The following SGCZ variants were observed in gnomAD, a reference collection of about 807,000 sequenced individuals.
The protein encoded by SGCZ is sarcoglycan zeta.
Under a neutral mutation model 41.3 loss-of-function variants are expected in SGCZ, and 40 were observed. The ratio of observed to expected loss-of-function variants is 0.97; its 90% CI spans 0.75 to 1.26. The LOEUF is 1.26. Among genes scored for constraint, SGCZ ranks in the 50% most tolerant of loss-of-function variants. The probability of loss-of-function intolerance (pLI) is 0.00; values close to 1 mark genes in which losing one functional copy is unlikely to be tolerated. For synonymous variants in SGCZ, 206 were observed against 137.5 expected, an observed-to-expected ratio of 1.50 and a Z score of -3.49; for missense variants, 552 against 369.8, an observed-to-expected ratio of 1.49 and a Z score of -4.04.
chr8:14,862,824 C>G lies in SGCZ; in HGVS notation c.40-307898G>C, dbSNP rs142869987. On this transcript the variant is annotated intron_variant, in intron 1 of 7. Transcript: ENST00000382080. ...CTGCTTTCCCCTCTAGACACAGTCA[C>G]TAGTCACTATAGCTGGGGACAGCAA... Among the ~76,000 whole-genome samples the G allele has an allele frequency of 5.3e-5, 8 of 151,886 alleles. No individual in the cohort carries two copies. The East Asian group carries it at 5.8e-4, about 11-fold the overall frequency.
At chr8:14,179,918 G>A (rs1029400640) in intron 4 of SGCZ, among the ~76,000 whole-genome samples, 1 of 152,164 alleles carries the variant, frequency 6.6e-6, no homozygotes, top group African/African-American at 2.4e-5. Flanking sequence ...AGAGCAAGAG[G>A]TATTTGATGA....
At chr8:14,802,572 G>C (rs1235259780) in intron 1 of SGCZ, among the ~76,000 whole-genome samples, 5 of 152,082 alleles carry the variant, frequency 3.3e-5, no homozygotes, top group Admixed American at 2.0e-4. Flanking sequence ...TTATGAATAA[G>C]ATGGTCTGCA....
intron 2 of SGCZ, among the ~76,000 whole-genome samples, chr8:14,431,296 A>G (rs1182802096): frequency 6.6e-6 from 1 of 152,214 alleles, no homozygotes; most frequent in East Asian, 1.9e-4. Context: ...ATGATACTAT[A>G]AGATCTTATT....
rs186957744 is a variant in SGCZ, at chr8:14,713,615, G to A, written c.40-158689C>T. Among the ~76,000 whole-genome samples the A allele has an allele frequency of 8.6e-4, 129 of 150,868 alleles. 2 individuals are homozygous for A. In the Middle Eastern group the frequency reaches 0.027, roughly 32 times the overall value. On this transcript the variant is annotated intron_variant, in intron 1 of 7. Transcript: ENST00000382080. ...AGAACTGTGATTAATGATATACTTT[G>A]GAAAATAGAATTGATCAGGAAATAA...
chr8:14,553,888 C>G (rs1292074559), intron 2 of SGCZ, among the ~76,000 whole-genome samples: 1 of 152,022 alleles, frequency 6.6e-6, no homozygotes, highest in Non-Finnish European at 1.5e-5. Flanking sequence ...GCAGTCTGGT[C>G]AGCAGTGAAA....
At chr8:14,100,807 G>C (rs1801996775) in intron 7 of SGCZ, among the ~76,000 whole-genome samples, 1 of 151,684 alleles carries the variant, frequency 6.6e-6, no homozygotes, top group Non-Finnish European at 1.5e-5. Context: ...ATTAAATTAT[G>C]ACCTCATCAT....
chr8:14,474,266 T>C (rs1801296260), intron 2 of SGCZ, among the ~76,000 whole-genome samples: 1 of 152,200 alleles, frequency 6.6e-6, no homozygotes, highest in African/African-American at 2.4e-5. Context: ...TGCATTATCA[T>C]ACCAAATGAT....
intron 1 of SGCZ, among the ~76,000 whole-genome samples, chr8:15,009,771 G>A (rs1437064350): frequency 6.6e-6 from 1 of 152,072 alleles, no homozygotes; most frequent in Non-Finnish European, 1.5e-5. Context: ...TTTAGCAAAC[G>A]CAAAATTTGA....
At chr8:14,235,540 A>C (rs1265487222) in intron 4 of SGCZ, among the ~76,000 whole-genome samples, 2 of 152,170 alleles carry the variant, frequency 1.3e-5, no homozygotes, top group African/African-American at 2.4e-5. Context: ...TAGCACACTA[A>C]ATTCTTTATT....
At chr8:14,515,061 T>C (rs1273946518) in intron 2 of SGCZ, among the ~76,000 whole-genome samples, 1 of 151,964 alleles carries the variant, frequency 6.6e-6, no homozygotes, top group Non-Finnish European at 1.5e-5. Flanking sequence ...TGTGTAAATG[T>C]CAACTTTGCT....
intron 1 of SGCZ, among the ~76,000 whole-genome samples, chr8:15,089,633 T>C (rs546199911): frequency 6.6e-6 from 1 of 152,292 alleles, no homozygotes; most frequent in Admixed American, 6.5e-5. Context: ...TGGTACTTTT[T>C]ACCTGCTTGG....
chr8:14,252,033 G>T (rs1585281881), intron 3 of SGCZ, among the ~76,000 whole-genome samples: 1 of 151,968 alleles, frequency 6.6e-6, no homozygotes, highest in South Asian at 2.1e-4. Flanking sequence ...TTATTAGATT[G>T]GGAAAACTTC....
intron 1 of SGCZ, among the ~76,000 whole-genome samples, chr8:14,578,419 C>T (rs1221417387): frequency 1.3e-5 from 2 of 152,206 alleles, no homozygotes; most frequent in African/African-American, 4.8e-5. Context: ...GTCCTACATG[C>T]TCCCTGGGTT....
At chr8:14,512,614 T>A (rs756984153) in intron 2 of SGCZ, among the ~76,000 whole-genome samples, 29 of 111,530 alleles carry the variant, frequency 2.6e-4, no homozygotes, top group Non-Finnish European at 3.8e-4. Flanking sequence ...TACAAGGCAT[T>A]ACACCTGGCT....
intron 1 of SGCZ, among the ~76,000 whole-genome samples, chr8:15,187,755 T>C (rs898173282): frequency 6.6e-6 from 1 of 152,048 alleles, no homozygotes; most frequent in African/African-American, 2.4e-5. Flanking sequence ...TTTTAAAAAA[T>C]AAGCTCTTCG....
chr8:14,260,821 A>G, intron 3 of SGCZ, among the ~76,000 whole-genome samples: 1 of 152,132 alleles, frequency 6.6e-6, no homozygotes, highest in East Asian at 1.9e-4. Flanking sequence ...AGTGGAAATC[A>G]TCATTCTCAG....
At chr8:14,284,386 T>C (rs1269053244) in intron 3 of SGCZ, among the ~76,000 whole-genome samples, 1 of 152,248 alleles carries the variant, frequency 6.6e-6, no homozygotes, top group African/African-American at 2.4e-5. Context: ...AGCAAGACAT[T>C]ATCTCACACA....
chr8:14,926,093 C>T (rs569392604), intron 1 of SGCZ, among the ~76,000 whole-genome samples: 2 of 152,254 alleles, frequency 1.3e-5, no homozygotes, highest in Admixed American at 6.5e-5. Flanking sequence ...ATGTATAGGA[C>T]AATCCCTAAG....
rs980696547 is a variant in SGCZ, at chr8:14,359,839, C to T, written c.235-35635G>A. 4.6e-5 allele frequency among the ~76,000 whole-genome samples: 7 copies of T among 151,690 alleles called. No homozygotes were observed. The East Asian group carries it at 5.8e-4, about 13-fold the overall frequency. On this transcript the variant is annotated intron_variant, in intron 2 of 7. Coordinates refer to ENST00000382080, the MANE Select transcript of SGCZ (RefSeq NM_139167.4). ...AGAAAAAAAAAAAAAACAAATATCCCGGATGAATACTGATGAAAAAACATC... is the reference window on the plus strand; with the variant it reads ...AGAAAAAAAAAAAAAACAAATATCCTGGATGAATACTGATGAAAAAACATC...
Sources: allele counts gnomAD v4.1 joint callset (sites outside exome capture counted in the v4.1 genomes callset), GRCh38; gene constraint gnomAD v4.1.1; transcripts MANE v1.5; gene names NCBI Gene and HGNC (gene_info 2026-07-23, HGNC 2026-07-21).